The following TMEM266 variants were observed in gnomAD, a reference collection of about 807,000 sequenced individuals.
TMEM266 encodes transmembrane protein 266.
TMEM266 carries 33 observed loss-of-function variants against 50.5 expected under a neutral mutation model. The ratio of observed to expected loss-of-function variants is 0.65; its 90% CI spans 0.50 to 0.87. The LOEUF (loss-of-function observed/expected upper bound fraction) is 0.87, where lower values mean the gene tolerates loss of function less well. Ranked by LOEUF, TMEM266 falls within the 40% of genes least tolerant of loss-of-function variation. The pLI, the probability that TMEM266 is intolerant of heterozygous loss-of-function variation, is 0.00. For synonymous variants in TMEM266, 310 were observed against 292.3 expected (o/e 1.06, Z -0.62); for missense variants, 655 against 695.1 (o/e 0.94, Z 0.65).
chr15:76,111,149 C>T (rs1445812672), intron 1 of TMEM266, among the ~76,000 whole-genome samples: 1 of 151,178 alleles, frequency 6.6e-6, no homozygotes, highest in African/African-American at 2.4e-5. Flanking sequence ...GGCACGGTCT[C>T]GGCTCACTGC....
At chr15:76,196,301 C>T (rs2038655455) in intron 9 of TMEM266, among the ~76,000 whole-genome samples, 1 of 152,202 alleles carries the variant, frequency 6.6e-6, no homozygotes, top group African/African-American at 2.4e-5. Context: ...ATACTGCCTG[C>T]CCCAGCCTAG....
intron 6 of TMEM266, 131 bp downstream of exon 6, chr15:76,170,003 T>G: frequency 1.2e-6 from 1 of 868,366 alleles, no homozygotes; most frequent in Non-Finnish European, 1.9e-6. Context: ...CCTCTGTGGC[T>G]GTGCATGTTG....
rs543707647 is a variant in TMEM266 at position 76,126,588 on chromosome 15, G to A, written c.-96-7580G>A. On this transcript the variant is annotated intron_variant, in intron 1 of 10. Coordinates refer to ENST00000388942, the MANE Select transcript of TMEM266 (RefSeq NM_152335.3). Reference sequence around the variant, plus strand: ...ACTCTGTCGCCCAGGCTGGAGTGCAGTGGCATGATCTCGGCTCACTGCATC... The same window carrying A: ...ACTCTGTCGCCCAGGCTGGAGTGCAATGGCATGATCTCGGCTCACTGCATC... Among the ~76,000 whole-genome samples, 137 of 151,290 alleles carry A rather than the reference G, an allele frequency of 9.1e-4. 1 individual carries two copies. The Middle Eastern group carries it at 0.02, about 23-fold the overall frequency.
At chr15:76,136,841 C>G (rs1433316345) in intron 2 of TMEM266, among the ~76,000 whole-genome samples, 1 of 152,142 alleles carries the variant, frequency 6.6e-6, no homozygotes, top group African/African-American at 2.4e-5. Flanking sequence ...TGTGTAGCGT[C>G]CCCAGCCCTA....
chr15:76,168,377 T>C lies in TMEM266; in HGVS notation c.457-1439T>C, dbSNP rs926334178. Among the ~76,000 whole-genome samples the C allele has an allele frequency of 2.0e-5, 3 of 152,248 alleles. No individual in the cohort carries two copies. Among genetic ancestry groups the C allele is most frequent in the African/African-American group, 4.8e-5 (2 of 41,476 alleles). Reference sequence around the variant, plus strand: ...AGCTGGATTTTACCAGCCAAGCCTTTCTGTGGCATAACAGCTGTGGGTGAT... The same window carrying C: ...AGCTGGATTTTACCAGCCAAGCCTTCCTGTGGCATAACAGCTGTGGGTGAT... On this transcript the variant is annotated intron_variant, in intron 5 of 10. Coordinates refer to ENST00000388942, the MANE Select transcript of TMEM266 (RefSeq NM_152335.3). The surrounding 1 kb of genome is among the most constrained non-coding windows in gnomAD (Gnocchi z 4.4).
intron 1 of TMEM266, among the ~76,000 whole-genome samples, chr15:76,103,156 G>GTAT (rs1447694815): frequency 6.6e-6 from 1 of 152,018 alleles, no homozygotes; most frequent in Admixed American, 6.6e-5. Flanking sequence ...AATTTGGGAG[G>GTAT]TATTATGAAG....
intron 9 of TMEM266, 74 bp downstream of exon 9, chr15:76,192,231 G>T: frequency 7.6e-7 from 1 of 1,320,728 alleles, no homozygotes; most frequent in Non-Finnish European, 9.8e-7. Context: ...CGCGCCCCGG[G>T]ACTGTGCGCA....
chr15:76,086,985 G>A (rs2036787181), intron 1 of TMEM266, among the ~76,000 whole-genome samples: 1 of 152,072 alleles, frequency 6.6e-6, no homozygotes, highest in African/African-American at 2.4e-5. Flanking sequence ...TATTACTTGG[G>A]CATGGAAAGT....
intron 1 of TMEM266, among the ~76,000 whole-genome samples, chr15:76,099,124 G>A (rs1218625026): frequency 6.6e-6 from 1 of 152,112 alleles, no homozygotes; most frequent in African/African-American, 2.4e-5. Context: ...GCGCCACTGG[G>A]GTATGGAAAA....
In TMEM266 at chr15:76,132,781, C is replaced by T. The variant is rs139453473; in HGVS notation, c.-96-1387C>T. ...CTGCACTCCAGCCTGGGAGATAGAG[C>T]GAGACTCTGTCTCTCAAATAATAAT... On this transcript the variant is annotated intron_variant, in intron 1 of 10. Transcript: ENST00000388942. Among the ~76,000 whole-genome samples, 497 of 145,540 alleles carry T rather than the reference C, an allele frequency of 3.4e-3. 3 individuals carry two copies. Among genetic ancestry groups the T allele is most frequent in the African/African-American group, 0.012 (473 of 39,516 alleles).
intron 1 of TMEM266, among the ~76,000 whole-genome samples, chr15:76,081,613 C>G (rs929180788): frequency 5.3e-5 from 8 of 152,220 alleles, no homozygotes; most frequent in Non-Finnish European, 8.8e-5. Flanking sequence ...AGGTCAGACA[C>G]TCACTGACAG....
At chr15:76,062,630 A>G (rs968477973) in intron 1 of TMEM266, among the ~76,000 whole-genome samples, 1 of 152,222 alleles carries the variant, frequency 6.6e-6, no homozygotes, top group Non-Finnish European at 1.5e-5. Flanking sequence ...GAGCATCACT[A>G]TCTTCTTCAG....
intron 9 of TMEM266, among the ~76,000 whole-genome samples, chr15:76,201,849 A>G (rs1241821536): frequency 2.0e-5 from 3 of 152,212 alleles, no homozygotes; most frequent in Non-Finnish European, 4.4e-5. Context: ...TGAGAAGTTT[A>G]GGCAATGAAG....
chr15:76,134,043 A>C, intron 1 of TMEM266, 125 bp from the exon 2 acceptor site: 1 of 467,260 alleles, frequency 2.1e-6, no homozygotes, highest in Non-Finnish European at 3.8e-6. Context: ...GTAAGAATCT[A>C]TTCAACATTA....
chr15:76,176,653 C>G (rs971036870), intron 8 of TMEM266, among the ~76,000 whole-genome samples: 2 of 152,166 alleles, frequency 1.3e-5, no homozygotes, highest in African/African-American at 4.8e-5. Context: ...CAGGGCCAGG[C>G]GAGTTCTTCA....
chr15:76,154,447 G>A (rs1027220707), intron 3 of TMEM266, among the ~76,000 whole-genome samples: 8 of 151,986 alleles, frequency 5.3e-5, no homozygotes, highest in African/African-American at 1.9e-4. Context: ...GTGGGCGATG[G>A]GGATGTTCAT....
chr15:76,132,401 G>T (rs145756254), intron 1 of TMEM266, among the ~76,000 whole-genome samples: 1 of 151,944 alleles, frequency 6.6e-6, no homozygotes, highest in Non-Finnish European at 1.5e-5. Context: ...GAACCACCGC[G>T]CCTGGCCTAC....
intron 7 of TMEM266, among the ~76,000 whole-genome samples, chr15:76,172,048 C>A (rs914326576): frequency 1.3e-5 from 2 of 152,046 alleles, no homozygotes; most frequent in Non-Finnish European, 2.9e-5. Flanking sequence ...ACGAAGAGGC[C>A]CACCCCACCT....
At chr15:76,134,581 T>G (rs2037562047) in intron 2 of TMEM266, among the ~76,000 whole-genome samples, 1 of 152,246 alleles carries the variant, frequency 6.6e-6, no homozygotes, top group Admixed American at 6.5e-5. Context: ...GAGAATTGCT[T>G]TCATTTCCCA....
Sources: allele counts gnomAD v4.1 joint callset (sites outside exome capture counted in the v4.1 genomes callset), GRCh38; gene constraint gnomAD v4.1.1; non-coding constraint Gnocchi (gnomAD v3.1); transcripts MANE v1.5; gene names NCBI Gene and HGNC (gene_info 2026-07-23, HGNC 2026-07-21).